CNGA1: variants seen among roughly 807,000 people sequenced by gnomAD.
CNGA1 encodes the protein cyclic nucleotide gated channel subunit alpha 1.
In CNGA1, 53 loss-of-function variants were observed where a neutral mutation model predicts 69.7. The observed-to-expected ratio is 0.76, with a 90% CI of 0.61 to 0.96. CNGA1 has a LOEUF of 0.96. Among genes scored for constraint, CNGA1 ranks in the 40% least tolerant of loss-of-function variants. CNGA1 has a pLI of 0.00. For missense variants in CNGA1, 739 were observed against 811.2 expected, an observed-to-expected ratio of 0.91 and a Z score of 1.08; for synonymous variants, 249 against 283.5, an observed-to-expected ratio of 0.88 and a Z score of 1.22.
At chr4:47,970,971 C>CA (rs1740983878) in intron 3 of CNGA1, 2 of 453,692 alleles carry the variant, frequency 4.4e-6, no homozygotes, top group South Asian at 3.1e-5. Context: ...GCTTGGCCAA[C>CA]ATGGTGAAAT....
At chr4:47,967,209 A>G (rs1740771026) in intron 3 of CNGA1, among the ~76,000 whole-genome samples, 1 of 152,168 alleles carries the variant, frequency 6.6e-6, no homozygotes, top group Non-Finnish European at 1.5e-5. Flanking sequence ...AAGCTGAGGC[A>G]GGAGAATCAC....
chr4:47,980,444 G>A (rs987610985), intron 3 of CNGA1, among the ~76,000 whole-genome samples: 4 of 148,984 alleles, frequency 2.7e-5, no homozygotes, highest in Non-Finnish European at 5.9e-5. Flanking sequence ...GACAGTAATT[G>A]ATAACAGTTT....
intron 3 of CNGA1, among the ~76,000 whole-genome samples, chr4:47,970,298 C>G (rs1245920859): frequency 6.6e-6 from 1 of 152,124 alleles, no homozygotes; most frequent in Non-Finnish European, 1.5e-5. Context: ...ACGGGAACAG[C>G]ATAGCTAGGG....
intron 3 of CNGA1, among the ~76,000 whole-genome samples, chr4:47,962,550 GAAGT>G (rs751564817): frequency 6.6e-6 from 1 of 152,118 alleles, no homozygotes; most frequent in African/African-American, 2.4e-5. Flanking sequence ...TACAAACTGT[GAAGT>G]AAGTATTTCC....
At chr4:48,004,043 T>C (rs2109349067) in intron 2 of CNGA1, among the ~76,000 whole-genome samples, 1 of 152,338 alleles carries the variant, frequency 6.6e-6, no homozygotes, top group South Asian at 2.1e-4. Flanking sequence ...TAGTCCGCCT[T>C]CATGTTCCAT....
intron 3 of CNGA1, among the ~76,000 whole-genome samples, chr4:47,976,281 G>A (rs28513486): frequency 2.3e-3 from 128 of 55,292 alleles, no homozygotes; most frequent in Middle Eastern, 9.3e-3. Context: ...ACATATATAT[G>A]TATATATATA....
intron 3 of CNGA1, among the ~76,000 whole-genome samples, chr4:47,954,958 C>A (rs898865264): frequency 6.6e-6 from 1 of 152,132 alleles, no homozygotes; most frequent in African/African-American, 2.4e-5. Flanking sequence ...AGGTACTCAC[C>A]GATATAGCTA....
intron 8 of CNGA1, 109 bp downstream of exon 8, chr4:47,943,072 A>G (rs1347581255): frequency 1.3e-6 from 1 of 756,272 alleles, no homozygotes; most frequent in African/African-American, 1.8e-5. Flanking sequence ...GTCTTTACAC[A>G]GGGCTCTTTA....
rs77142668 is a variant in CNGA1 at position 47,995,575 on chromosome 4, A to G, written c.-122-14075T>C. Among the ~76,000 whole-genome samples, 884 of 151,490 alleles carry G rather than the reference A, an allele frequency of 5.8e-3. 5 individuals are homozygous for G. The highest frequency in any genetic ancestry group is 0.021 in the African/African-American group (861 of 41,240). ...GTATCATTTTTTTTTATTTCCTTAAATTGGGCTTCATCTTTCTGTGGTGTC... is the reference window on the plus strand; with the variant it reads ...GTATCATTTTTTTTTATTTCCTTAAGTTGGGCTTCATCTTTCTGTGGTGTC... On this transcript the variant is annotated intron_variant, in intron 2 of 10. Coordinates refer to ENST00000514170, the MANE Select transcript of CNGA1 (RefSeq NM_001379270.1).
At chr4:47,976,200 TATATATATATATACACATAC>T (rs1741364203) in intron 3 of CNGA1, among the ~76,000 whole-genome samples, 1 of 15,456 alleles carries the variant, frequency 6.5e-5, no homozygotes, top group Non-Finnish European at 1.4e-4. Context: ...CATATATATG[TATATATATATATACACATAC>T]ATATATATAT....
chr4:47,959,156 A>G (rs1740275075), intron 3 of CNGA1: 1 of 152,218 alleles, frequency 6.6e-6, no homozygotes, highest in African/African-American at 2.4e-5. Context: ...GTCACTGGGG[A>G]GAGAGTTGGT....
intron 3 of CNGA1, among the ~76,000 whole-genome samples, chr4:47,958,811 C>T (rs542012031): frequency 4.3e-4 from 65 of 152,230 alleles, no homozygotes; most frequent in African/African-American, 1.6e-3. Flanking sequence ...GAACGTAATA[C>T]CTGATATTTA....
At chr4:47,993,203 A>C (rs772465177) in intron 2 of CNGA1, among the ~76,000 whole-genome samples, 13 of 152,130 alleles carry the variant, frequency 8.5e-5, no homozygotes, top group Non-Finnish European at 1.3e-4. Context: ...CTGGCTACAT[A>C]GAATGATTTA....
intron 3 of CNGA1, among the ~76,000 whole-genome samples, chr4:47,973,602 A>G (rs1278628633): frequency 2.0e-5 from 3 of 152,130 alleles, no homozygotes; most frequent in African/African-American, 7.2e-5. Context: ...TTAAAGTAAA[A>G]TATATACCTT....
Position 47,943,181 on chromosome 4 carries a change from T to G in CNGA1, c.437A>C (p.Glu146Ala), listed in dbSNP as rs1350198455. ...KEEKSKDKKE[E>A]EKKEVVVIDP... ...TTTCAATGCCACTAAAAGTGCTTAC[T>G]CTTCTTTCTTATCTTTGCTTTTCTC... The change falls in exon 8 of 11, where the codon GAG (glutamate) becomes GCG (alanine). Residue 146 changes from glutamate to alanine, a missense_variant and splice_region_variant. Transcript: ENST00000514170. 1 of 1,594,574 alleles carries G rather than the reference T, an allele frequency of 6.3e-7. No individual in the cohort carries two copies. The highest frequency in any genetic ancestry group is 1.7e-5 in the Admixed American group (1 of 59,870).
At chr4:47,953,206 C>G (rs1739850513) in intron 3 of CNGA1, among the ~76,000 whole-genome samples, 1 of 152,188 alleles carries the variant, frequency 6.6e-6, no homozygotes, top group Non-Finnish European at 1.5e-5. Context: ...AGGAATTATT[C>G]TTTAATAGAA....
intron 3 of CNGA1, among the ~76,000 whole-genome samples, chr4:47,969,344 C>T (rs1740889902): frequency 6.6e-6 from 1 of 151,934 alleles, no homozygotes; most frequent in Non-Finnish European, 1.5e-5. Flanking sequence ...GAACCCCACT[C>T]CTAGTAAAGT....
Position 48,016,179 on chromosome 4 carries a change from G to C in CNGA1, c.-223+304C>G, listed in dbSNP as rs1030464811. ...CCCTATGACCCAGAAAATGGGGCAG[G>C]GTAGGGGGAGTTGCCTGCTGGAGAC... is the stretch of plus-strand genomic sequence containing the variant. On this transcript the variant is annotated intron_variant, in intron 1 of 10. Transcript: ENST00000514170. 3.3e-5 allele frequency among the ~76,000 whole-genome samples: 5 copies of C among 152,200 alleles called. No homozygotes were observed. In the East Asian group the frequency reaches 9.6e-4, roughly 29 times the overall value.
At chr4:47,948,339 A>G (rs771270106) in intron 6 of CNGA1, among the ~76,000 whole-genome samples, 8 of 152,192 alleles carry the variant, frequency 5.3e-5, no homozygotes, top group Non-Finnish European at 8.8e-5. Context: ...CTCTAGGAAG[A>G]AAAGGTGCCA....
Sources: allele counts gnomAD v4.1 joint callset (sites outside exome capture counted in the v4.1 genomes callset), GRCh38; gene constraint gnomAD v4.1.1; transcripts MANE v1.5; gene names NCBI Gene and HGNC (gene_info 2026-07-23, HGNC 2026-07-21).